GNB4: variants seen among roughly 807,000 people sequenced by gnomAD.
The protein encoded by GNB4 is guanine nucleotide-binding protein subunit beta-4.
In GNB4, 28 loss-of-function variants were observed where a neutral mutation model predicts 45.2. The ratio of observed to expected loss-of-function variants is 0.62; its 90% CI spans 0.46 to 0.85. The LOEUF is 0.85. Ranked by LOEUF, GNB4 falls within the 40% of genes least tolerant of loss-of-function variation. The pLI is 0.00. For synonymous variants in GNB4, 132 were observed against 143.7 expected (o/e 0.92, Z 0.58); for missense variants, 321 against 425.4 (o/e 0.75, Z 2.16).
intron 7 of GNB4, 23 bp from the exon 8 acceptor site, chr3:179,413,636 A>G: frequency 6.2e-7 from 1 of 1,613,234 alleles, no homozygotes; most frequent in Non-Finnish European, 8.5e-7. Context: ...ACAAAATTTC[A>G]TGACAATTAC....
the GNB4 span, among the ~76,000 whole-genome samples, chr3:179,515,147 A>G: frequency 6.6e-6 from 1 of 152,252 alleles, no homozygotes; most frequent in Non-Finnish European, 1.5e-5. Flanking sequence ...AATACGGCTT[A>G]ATAAAAATAA....
chr3:179,482,854 T>C, the GNB4 span, among the ~76,000 whole-genome samples: 5 of 152,188 alleles, frequency 3.3e-5, no homozygotes, highest in Non-Finnish European at 7.4e-5. Context: ...TCTCAGAATA[T>C]GAAGTTAGCC....
At chr3:179,448,683 T>C (rs973077253) in intron 1 of GNB4, among the ~76,000 whole-genome samples, 3 of 152,236 alleles carry the variant, frequency 2.0e-5, no homozygotes, top group Admixed American at 6.5e-5. Flanking sequence ...ATTTACTCAG[T>C]TCCTACCCGG....
At chr3:179,447,264 A>C (rs1362173734) in intron 1 of GNB4, among the ~76,000 whole-genome samples, 1 of 151,698 alleles carries the variant, frequency 6.6e-6, no homozygotes, top group Admixed American at 6.6e-5. Context: ...GCGAGGCTGG[A>C]AGAGAGTGAG....
rs181825002 is a variant in GNB4, at chr3:179,447,146, G to C, written c.-43+4200C>G. On this transcript the variant is annotated intron_variant, in intron 1 of 9. Transcript: ENST00000232564. ...AAATTAAGTAAGGACTGAATGAAAT[G>C]AGAGGATGAGCTATGTCTTCATTGG... Among the ~76,000 whole-genome samples the C allele has an allele frequency of 1.6e-4, 24 of 152,188 alleles. No homozygotes were observed. In the East Asian group the frequency reaches 4.1e-3, roughly 26 times the overall value.
At chr3:179,472,366 CTTTCT>C in the GNB4 span, among the ~76,000 whole-genome samples, 2 of 110,954 alleles carry the variant, frequency 1.8e-5, no homozygotes, top group African/African-American at 3.6e-5. Flanking sequence ...CCTTTTCTTT[CTTTCT>C]TTTTTTTTTT....
At chr3:179,443,552 T>C (rs1385808098) in intron 1 of GNB4, among the ~76,000 whole-genome samples, 1 of 152,058 alleles carries the variant, frequency 6.6e-6, no homozygotes, top group Non-Finnish European at 1.5e-5. Flanking sequence ...ACAGGTAAAA[T>C]ATCTTAAAGT....
At chr3:179,454,204 T>C (rs1715944267), upstream of GNB4, among the ~76,000 whole-genome samples, 2 of 152,218 alleles carry the variant, frequency 1.3e-5, no homozygotes, top group Non-Finnish European at 2.9e-5. Context: ...ATTAGGCCCA[T>C]GTTCTCAAAT....
chr3:179,505,093 T>A, the GNB4 span, among the ~76,000 whole-genome samples: 1 of 152,146 alleles, frequency 6.6e-6, no homozygotes, highest in South Asian at 2.1e-4. Flanking sequence ...ATGAAGCTGA[T>A]CCACAGCTAA....
chr3:179,467,149 G>A, the GNB4 span, among the ~76,000 whole-genome samples: 2 of 152,162 alleles, frequency 1.3e-5, no homozygotes, highest in Non-Finnish European at 2.9e-5. Flanking sequence ...AAATGGCTTG[G>A]ACTACAGGTG....
chr3:179,461,367 G>A, the GNB4 span, among the ~76,000 whole-genome samples: 1 of 152,080 alleles, frequency 6.6e-6, no homozygotes, highest in South Asian at 2.1e-4. Flanking sequence ...TGTGGTAGCG[G>A]GCACTTGTAG....
Position 179,417,757 on chromosome 3 carries a change from T to G in GNB4, c.204-1201A>C, listed in dbSNP as rs550616209. The stretch of plus-strand genomic sequence containing the variant: ...TAAAAAAGGATATACAGAAGAAAAT[T>G]TAAAAAGCACCTTCCTGGGCCTATC... On this transcript the variant is annotated intron_variant, in intron 4 of 9. Transcript: ENST00000232564. 2.0e-4 allele frequency among the ~76,000 whole-genome samples: 30 copies of G among 152,274 alleles called. No individual in the cohort carries two copies. The South Asian group carries it at 5.8e-3, about 29-fold the overall frequency.
the GNB4 span, among the ~76,000 whole-genome samples, chr3:179,513,729 A>T: frequency 3.3e-5 from 5 of 152,254 alleles, no homozygotes; most frequent in East Asian, 7.7e-4. Context: ...CCTTTTAAAA[A>T]TTTTTTGAAA....
At chr3:179,466,974 C>T in the GNB4 span, among the ~76,000 whole-genome samples, 6 of 152,138 alleles carry the variant, frequency 3.9e-5, no homozygotes, top group Admixed American at 1.3e-4. Context: ...TTAGCTCCCC[C>T]AGGAATGGTG....
chr3:179,523,564 C>A, the GNB4 span, among the ~76,000 whole-genome samples: 1 of 152,192 alleles, frequency 6.6e-6, no homozygotes, highest in Admixed American at 6.5e-5. Context: ...GGTTTTTGGA[C>A]AGGTAAAATA....
chr3:179,426,648 CA>C (rs1224097478), intron 1 of GNB4, among the ~76,000 whole-genome samples: 24 of 152,246 alleles, frequency 1.6e-4, no homozygotes, highest in African/African-American at 5.5e-4. Context: ...CAGGAAACGG[CA>C]AGACCATCCT....
Position 179,426,156 on chromosome 3 carries a change from C to A in GNB4, c.45G>T (p.Arg15=), listed in dbSNP as rs1038277192. The change falls in exon 2 of 10, where the codon CGG becomes CGT. Residue 15 remains arginine, a synonymous_variant. Transcript: ENST00000232564. ...GAAAAGGTTTTACCTGAATCTGATT[C>A]CGCAGTTGTTCTGCTTCTTGCCTCA... is the stretch of plus-strand genomic sequence containing the variant. ...EQLRQEAEQL[R]NQIQDARKAC... 2 of 1,603,762 alleles carry A rather than the reference C, an allele frequency of 1.2e-6. No individual in the cohort carries two copies. The highest frequency in any genetic ancestry group is 2.7e-5 in the African/African-American group (2 of 74,344).
In GNB4 at chr3:179,400,414, A is replaced by G. The variant is rs1714257279; in HGVS notation, c.*799T>C. Reference sequence around the variant, plus strand: ...CAAACTTAGTTCCAAATATGAAATGAAAAGGAAAGTCCAGCTATTTAGGGG... The same window carrying G: ...CAAACTTAGTTCCAAATATGAAATGGAAAGGAAAGTCCAGCTATTTAGGGG... On this transcript the variant is annotated 3_prime_UTR_variant, in exon 10 of 10. Coordinates refer to ENST00000232564, the MANE Select transcript of GNB4 (RefSeq NM_021629.4). The G allele has an allele frequency of 6.6e-6, 1 of 152,266 alleles. No individual in the cohort carries two copies. The highest frequency in any genetic ancestry group is 1.5e-5 in the Non-Finnish European group (1 of 68,050). 9.4% of individuals were successfully genotyped at this position (152,266 alleles called of 1,614,324 possible).
At chr3:179,450,752 A>G (rs1715847998) in intron 1 of GNB4, among the ~76,000 whole-genome samples, 1 of 152,220 alleles carries the variant, frequency 6.6e-6, no homozygotes, top group Admixed American at 6.5e-5. Context: ...GGTGGAGAGA[A>G]AAGCAAAACA....
Sources: gnomAD v4.1 joint callset for allele counts (sites outside exome capture counted in the v4.1 genomes callset) on GRCh38, gnomAD v4.1.1 for gene constraint, MANE v1.5 for transcripts, NCBI Gene and HGNC (gene_info 2026-07-23, HGNC 2026-07-21) for gene names.